RABGAP1L: variants seen among roughly 807,000 people sequenced by gnomAD.
The protein encoded by RABGAP1L is RAB GTPase activating protein 1 like.
RABGAP1L carries 63 observed loss-of-function variants against 137.7 expected under a neutral mutation model. The observed-to-expected ratio is 0.46, with a 90% confidence interval of 0.37 to 0.56. The LOEUF (loss-of-function observed/expected upper bound fraction) is 0.56, where lower values mean the gene tolerates loss of function less well. Among genes scored for constraint, RABGAP1L ranks in the 20% least tolerant of loss-of-function variants. The probability of loss-of-function intolerance (pLI) is 0.00; values close to 1 mark genes in which losing one functional copy is unlikely to be tolerated. For synonymous variants in RABGAP1L, 431 were observed against 433.7 expected, an observed-to-expected ratio of 0.99 and a Z score of 0.08; for missense variants, 1,095 against 1,244.0, an observed-to-expected ratio of 0.88 and a Z score of 1.80.
intron 18 of RABGAP1L, among the ~76,000 whole-genome samples, chr1:174,796,597 A>G (rs1688254931): frequency 6.6e-6 from 1 of 152,216 alleles, no homozygotes; most frequent in Admixed American, 6.5e-5. Context: ...CATGAAGGAA[A>G]CATGAGGGAT....
intron 1 of RABGAP1L, among the ~76,000 whole-genome samples, chr1:174,177,202 G>A (rs1012547316): frequency 7.9e-5 from 12 of 152,086 alleles, no homozygotes; most frequent in African/African-American, 2.9e-4. Context: ...ATCTCATTTT[G>A]GTTTTGATTT....
At chr1:174,506,178 C>T (rs1661797518) in intron 13 of RABGAP1L, among the ~76,000 whole-genome samples, 1 of 152,102 alleles carries the variant, frequency 6.6e-6, no homozygotes, top group Non-Finnish European at 1.5e-5. Flanking sequence ...ACAAAAATTT[C>T]ACTTTTATAG....
intron 10 of RABGAP1L, among the ~76,000 whole-genome samples, chr1:174,298,754 C>T (rs1418438890): frequency 6.6e-6 from 1 of 152,158 alleles, no homozygotes; most frequent in East Asian, 1.9e-4. Flanking sequence ...CTTTGTTTAC[C>T]TCCCTTGGTC....
intron 11 of RABGAP1L, among the ~76,000 whole-genome samples, chr1:174,322,238 G>T (rs1290951321): frequency 6.6e-6 from 1 of 151,938 alleles, no homozygotes; most frequent in Non-Finnish European, 1.5e-5. Context: ...TTATCTATTT[G>T]TTTTTATCTA....
chr1:174,811,997 A>T, intron 19 of RABGAP1L, 37 bp downstream of exon 19: 1 of 1,545,288 alleles, frequency 6.5e-7, no homozygotes, highest in Non-Finnish European at 8.7e-7. Flanking sequence ...AAGGTAAAAT[A>T]TGAGTGCAGA....
chr1:174,484,748 G>T (rs758219801), intron 13 of RABGAP1L, among the ~76,000 whole-genome samples: 1 of 151,932 alleles, frequency 6.6e-6, no homozygotes, highest in Non-Finnish European at 1.5e-5. Flanking sequence ...TGCCGTTTTG[G>T]TTATGTAGCT....
chr1:174,251,751 C>T (rs1325222330), intron 6 of RABGAP1L, among the ~76,000 whole-genome samples: 2 of 152,158 alleles, frequency 1.3e-5, no homozygotes, highest in African/African-American at 2.4e-5. Context: ...AAAGTATGCT[C>T]TTCTCACTTC....
chr1:174,334,014 G>T (rs1681261796), intron 11 of RABGAP1L, among the ~76,000 whole-genome samples: 1 of 152,154 alleles, frequency 6.6e-6, no homozygotes, highest in Non-Finnish European at 1.5e-5. Context: ...TCTATTATGT[G>T]CAAGGCTCTG....
At chr1:174,802,134 G>C (rs1175650951) in intron 18 of RABGAP1L, among the ~76,000 whole-genome samples, 2 of 152,188 alleles carry the variant, frequency 1.3e-5, no homozygotes, top group South Asian at 2.1e-4. Context: ...ACAGGGAGTT[G>C]GGTTCTCAAG....
intron 4 of RABGAP1L, among the ~76,000 whole-genome samples, chr1:174,240,336 T>A (rs1341103547): frequency 6.6e-6 from 1 of 152,214 alleles, no homozygotes; most frequent in Non-Finnish European, 1.5e-5. Context: ...AACATCTGCC[T>A]CCTGGGTTCA....
chr1:174,781,579 C>T (rs890764899), intron 18 of RABGAP1L, among the ~76,000 whole-genome samples: 5 of 152,150 alleles, frequency 3.3e-5, no homozygotes, highest in African/African-American at 1.2e-4. Flanking sequence ...AATTAGATCC[C>T]ATCTGTCAAT....
intron 19 of RABGAP1L, chr1:174,877,672 G>T: frequency 6.7e-7 from 1 of 1,492,192 alleles, no homozygotes; most frequent in South Asian, 1.2e-5. Flanking sequence ...CTATACTCCT[G>T]TAGCAACTGA....
chr1:174,220,982 A>T lies in RABGAP1L; in HGVS notation c.149A>T (p.Asn50Ile). ...TTGCTGTGTCTGTAGATAGTTTCTAATGGTGATGAACAATTGGAAAAAGCC... is the reference window on the plus strand; with the variant it reads ...TTGCTGTGTCTGTAGATAGTTTCTATTGGTGATGAACAATTGGAAAAAGCC... ...EEKPQLKIVS[N>I]GDEQLEKAME... The change falls in exon 3 of 26, where the codon AAT (asparagine) becomes ATT (isoleucine). Residue 50 changes from asparagine to isoleucine, a missense_variant. Physicochemically the swap from Asn to Ile is moderately radical, Grantham distance 149. Transcript: ENST00000681986. 6.2e-7 allele frequency: 1 copy of T among 1,608,824 alleles called. No homozygotes were observed. Among genetic ancestry groups the T allele is most frequent in the Non-Finnish European group, 8.5e-7 (1 of 1,177,428 alleles).
intron 19 of RABGAP1L, among the ~76,000 whole-genome samples, chr1:174,864,533 G>A (rs1203626972): frequency 6.6e-6 from 1 of 152,162 alleles, no homozygotes; most frequent in African/African-American, 2.4e-5. Flanking sequence ...AAGAATGCGA[G>A]CAAAATGGGG....
Position 174,982,509 on chromosome 1 carries a change from A to G in RABGAP1L, c.2734-325A>G, listed in dbSNP as rs569497264. Among the ~76,000 whole-genome samples the G allele has an allele frequency of 9.8e-5, 15 of 152,364 alleles. 1 individual carries two copies. In the South Asian group the frequency reaches 2.9e-3, roughly 29 times the overall value. On this transcript the variant is annotated intron_variant, in intron 23 of 25. Coordinates refer to ENST00000681986, the MANE Select transcript of RABGAP1L (RefSeq NM_001366446.1). Reference sequence around the variant, plus strand: ...CAGCATACTAACTTGTACAAAGTGAATACTCAGCAAAGATTCTATAGGTTA... The same window carrying G: ...CAGCATACTAACTTGTACAAAGTGAGTACTCAGCAAAGATTCTATAGGTTA...
intron 24 of RABGAP1L, among the ~76,000 whole-genome samples, chr1:174,985,936 TTC>T (rs991423654): frequency 1.3e-5 from 2 of 151,982 alleles, no homozygotes; most frequent in Non-Finnish European, 2.9e-5. Context: ...AATCCTTCCT[TTC>T]TTTTTTTCTT....
At chr1:174,369,488 A>G (rs1402675389) in intron 11 of RABGAP1L, among the ~76,000 whole-genome samples, 2 of 152,208 alleles carry the variant, frequency 1.3e-5, no homozygotes, top group East Asian at 3.9e-4. Context: ...TTGACCAAGA[A>G]TAATTTTTAA....
chr1:174,792,305 A>C (rs753153717), intron 18 of RABGAP1L, among the ~76,000 whole-genome samples: 6 of 152,200 alleles, frequency 3.9e-5, no homozygotes, highest in Non-Finnish European at 7.3e-5. Flanking sequence ...ATACTGTCCA[A>C]AGTGTGTTCT....
chr1:174,809,746 C>T (rs1445134156), intron 18 of RABGAP1L, among the ~76,000 whole-genome samples: 1 of 152,222 alleles, frequency 6.6e-6, no homozygotes, highest in Non-Finnish European at 1.5e-5. Flanking sequence ...AGCTAATCAT[C>T]AGAACTGGTA....
Sources: allele counts gnomAD v4.1 joint callset (sites outside exome capture counted in the v4.1 genomes callset), GRCh38; gene constraint gnomAD v4.1.1; transcripts MANE v1.5; gene names NCBI Gene and HGNC (gene_info 2026-07-23, HGNC 2026-07-21).